The following PRKN variants were observed in gnomAD, a reference collection of about 807,000 sequenced individuals.
PRKN encodes the protein parkin RBR E3 ubiquitin protein ligase, also known as E3 ubiquitin-protein ligase parkin.
In PRKN, 56 loss-of-function variants were observed where a neutral mutation model predicts 59.5. The observed-to-expected ratio is 0.94, with a 90% CI of 0.76 to 1.18. The LOEUF (loss-of-function observed/expected upper bound fraction) is 1.18, where lower values mean the gene tolerates loss of function less well. PRKN is among the 50% of genes most tolerant of loss of function. The probability of loss-of-function intolerance (pLI) is 0.00; values close to 1 mark genes in which losing one functional copy is unlikely to be tolerated. For missense variants in PRKN, 657 were observed against 596.4 expected, an observed-to-expected ratio of 1.10 and a Z score of -1.06; for synonymous variants, 250 against 222.1, an observed-to-expected ratio of 1.13 and a Z score of -1.12.
At chr6:161,757,295 A>G (rs142194839) in intron 7 of PRKN, among the ~76,000 whole-genome samples, 2 of 152,270 alleles carry the variant, frequency 1.3e-5, no homozygotes, top group East Asian at 1.9e-4. Context: ...ATGAAATAAT[A>G]AGCCACACAC....
In PRKN at chr6:162,727,718, A is replaced by G; in HGVS notation, c.-50T>C. The G allele has an allele frequency of 5.8e-6, 9 of 1,547,736 alleles. No individual in the cohort carries two copies. The East Asian group carries it at 7.3e-5, about 13-fold the overall frequency. Reference sequence around the variant, plus strand: ...GGGCCAGGAACAGGCCCATGCGCGCAGCGGCGCCAGCCGCGCCTCCCACCA... The same window carrying G: ...GGGCCAGGAACAGGCCCATGCGCGCGGCGGCGCCAGCCGCGCCTCCCACCA... On this transcript the variant is annotated 5_prime_UTR_variant, in exon 1 of 12. Transcript: ENST00000366898.
intron 2 of PRKN, among the ~76,000 whole-genome samples, chr6:162,312,188 T>G (rs752288926): frequency 6.6e-6 from 1 of 152,134 alleles, no homozygotes; most frequent in Non-Finnish European, 1.5e-5. Flanking sequence ...AGGTTCAATC[T>G]TAAGAATTTT....
At chr6:162,465,654 G>A (rs2186815) in intron 1 of PRKN, among the ~76,000 whole-genome samples, 13,232 of 152,210 alleles carry the variant, frequency 0.087, 918 homozygotes, top group East Asian at 0.33. Flanking sequence ...AAGTGTTAAT[G>A]TTAGTTTAAT....
At chr6:161,864,867 A>C (rs56767358) in intron 6 of PRKN, among the ~76,000 whole-genome samples, 10,799 of 151,964 alleles carry the variant, frequency 0.071, 1,285 homozygotes, top group African/African-American at 0.25. Context: ...TGTTGGCCAG[A>C]GTGGTCTCAA....
At chr6:161,835,095 G>T (rs1455292774) in intron 6 of PRKN, among the ~76,000 whole-genome samples, 2 of 152,110 alleles carry the variant, frequency 1.3e-5, no homozygotes, top group Non-Finnish European at 1.5e-5. Context: ...CTCCCCTCTG[G>T]AGTTTCAGGA....
At chr6:162,567,919 C>G (rs2128207845) in intron 1 of PRKN, among the ~76,000 whole-genome samples, 1 of 152,256 alleles carries the variant, frequency 6.6e-6, no homozygotes, top group African/African-American at 2.4e-5. Context: ...AAAACAGACA[C>G]ACAGAGCAAT....
intron 6 of PRKN, among the ~76,000 whole-genome samples, chr6:161,891,526 CA>C (rs1795343240): frequency 6.6e-6 from 1 of 152,222 alleles, no homozygotes; most frequent in South Asian, 2.1e-4. Context: ...CGAGGTCTTA[CA>C]GGCTTGAATA....
chr6:162,174,373 C>T (rs1447027263), intron 4 of PRKN, among the ~76,000 whole-genome samples: 7 of 152,134 alleles, frequency 4.6e-5, no homozygotes, highest in African/African-American at 1.4e-4. Flanking sequence ...CAAGTCCTTG[C>T]CGTCCCCTCA....
At chr6:162,722,914 C>A (rs1200904737) in intron 1 of PRKN, among the ~76,000 whole-genome samples, 1 of 152,066 alleles carries the variant, frequency 6.6e-6, no homozygotes, top group Non-Finnish European at 1.5e-5. Flanking sequence ...ATCTTCTATG[C>A]AAAACTTTAG....
Position 162,328,426 on chromosome 6 carries a change from T to A in PRKN, c.172-65661A>T, listed in dbSNP as rs531838733. Among the ~76,000 whole-genome samples, 5 of 152,294 alleles carry A rather than the reference T, an allele frequency of 3.3e-5. No homozygotes were observed. The South Asian group carries it at 1.0e-3, about 32-fold the overall frequency. On this transcript the variant is annotated intron_variant, in intron 2 of 11. Coordinates refer to ENST00000366898, the MANE Select transcript of PRKN (RefSeq NM_004562.3). ...CACGTGAGAAGCCCTGCTTGTTCTG[T>A]GAACACAGTCATTTCTGCCTTTCCT... is the stretch of plus-strand genomic sequence containing the variant.
At chr6:162,570,741 T>C (rs778787690) in intron 1 of PRKN, among the ~76,000 whole-genome samples, 5 of 152,136 alleles carry the variant, frequency 3.3e-5, no homozygotes, top group Non-Finnish European at 7.3e-5. Flanking sequence ...TCTCACTTAT[T>C]TGTGGAATCT....
At chr6:162,164,230 ATTTGTTTGCT>A (rs1782882955) in intron 4 of PRKN, among the ~76,000 whole-genome samples, 1 of 148,846 alleles carries the variant, frequency 6.7e-6, no homozygotes, top group Admixed American at 6.7e-5. Flanking sequence ...GTATTTGTTT[ATTTGTTTGCT>A]TTTGTTTGGA....
At chr6:162,206,355 C>T (rs891854527) in intron 3 of PRKN, among the ~76,000 whole-genome samples, 7 of 152,152 alleles carry the variant, frequency 4.6e-5, no homozygotes, top group African/African-American at 1.7e-4. Context: ...CAGTCTCATC[C>T]TCTTCGAACA....
rs117090429 is a variant in PRKN, at chr6:161,484,551, C to G, written c.1083+64303G>C. ...CTTTTTAAAGATGAGACAGTTGACA[C>G]TTGGGAAGCTTAGGAAGGTTTCCCA... On this transcript the variant is annotated intron_variant, in intron 9 of 11. Coordinates refer to ENST00000366898, the MANE Select transcript of PRKN (RefSeq NM_004562.3). The surrounding 1 kb of genome is among the most constrained non-coding windows in gnomAD (Gnocchi z 4.9). Among the ~76,000 whole-genome samples the G allele has an allele frequency of 5.4e-3, 825 of 152,280 alleles. 9 individuals carry two copies. Among genetic ancestry groups the G allele is most frequent in the Middle Eastern group, 0.024 (7 of 294 alleles).
chr6:161,680,000 C>T (rs1187811813), intron 7 of PRKN, among the ~76,000 whole-genome samples: 1 of 151,896 alleles, frequency 6.6e-6, no homozygotes, highest in Non-Finnish European at 1.5e-5. Flanking sequence ...ATGATCTGCC[C>T]GCCTCAGCGT....
intron 2 of PRKN, among the ~76,000 whole-genome samples, chr6:162,414,578 G>T (rs1386256383): frequency 6.6e-6 from 1 of 151,666 alleles, no homozygotes; most frequent in Non-Finnish European, 1.5e-5. Context: ...GCGCATGGTT[G>T]GTGGTGCCTG....
At chr6:161,946,932 C>T (rs1020387703) in intron 6 of PRKN, among the ~76,000 whole-genome samples, 13 of 152,080 alleles carry the variant, frequency 8.5e-5, no homozygotes, top group South Asian at 6.2e-4. Context: ...GTAAAAAGCG[C>T]GTTGCAAAAG....
chr6:161,795,191 G>GT (rs772929969), intron 6 of PRKN, among the ~76,000 whole-genome samples: 2 of 143,780 alleles, frequency 1.4e-5, no homozygotes, highest in African/African-American at 2.6e-5. Context: ...GCCTAACTTA[G>GT]TATTATTACA....
chr6:162,319,056 C>A (rs1782870903), intron 2 of PRKN, among the ~76,000 whole-genome samples: 1 of 151,910 alleles, frequency 6.6e-6, no homozygotes, highest in Non-Finnish European at 1.5e-5. Flanking sequence ...TTGTTTTATT[C>A]TTTACACAGT....
Sources: allele counts gnomAD v4.1 joint callset (sites outside exome capture counted in the v4.1 genomes callset), GRCh38; gene constraint gnomAD v4.1.1; non-coding constraint Gnocchi (gnomAD v3.1); transcripts MANE v1.5; gene names NCBI Gene and HGNC (gene_info 2026-07-23, HGNC 2026-07-21).